MYOF: variants seen among roughly 807,000 people sequenced by gnomAD.
The protein encoded by MYOF is myoferlin.
A neutral mutation model predicts 284.2 loss-of-function variants in MYOF; 244 were observed. The ratio of observed to expected loss-of-function variants is 0.86; its 90% CI spans 0.77 to 0.95. MYOF has a LOEUF of 0.95. Among genes scored for constraint, MYOF ranks in the 40% least tolerant of loss-of-function variants. The pLI is 0.00. For missense variants in MYOF, 2,496 were observed against 2,560.6 expected, an observed-to-expected ratio of 0.97 and a Z score of 0.54; for synonymous variants, 904 against 919.7, an observed-to-expected ratio of 0.98 and a Z score of 0.31.
intron 7 of MYOF, among the ~76,000 whole-genome samples, chr10:93,406,288 T>TTATTTATATATA (rs1554855590): frequency 1.7e-5 from 1 of 58,128 alleles, no homozygotes; most frequent in Non-Finnish European, 4.3e-5. Flanking sequence ...TAAACCTCTT[T>TTATTTATATATA]TATATATATA....
chr10:93,351,102 A>C (rs1369417490), intron 35 of MYOF, 95 bp downstream of exon 35: 2 of 1,355,130 alleles, frequency 1.5e-6, no homozygotes, highest in African/African-American at 2.9e-5. Context: ...GATAGCAAGA[A>C]AATATGCAGC....
intron 3 of MYOF, among the ~76,000 whole-genome samples, chr10:93,441,183 C>T (rs2056236679): frequency 6.6e-6 from 1 of 152,148 alleles, no homozygotes; most frequent in South Asian, 2.1e-4. Context: ...CTCCCACTGT[C>T]ACATTTACAT....
At chr10:93,404,925 T>C (rs1847484058) in intron 7 of MYOF, among the ~76,000 whole-genome samples, 1 of 152,212 alleles carries the variant, frequency 6.6e-6, no homozygotes, top group Non-Finnish European at 1.5e-5. Flanking sequence ...ATATTAGGTA[T>C]ATAGGAGGTT....
intron 1 of MYOF, among the ~76,000 whole-genome samples, chr10:93,479,339 T>C (rs1309818282): frequency 2.0e-5 from 3 of 152,126 alleles, no homozygotes; most frequent in Non-Finnish European, 4.4e-5. Context: ...CACTATGAAG[T>C]GTGTCTGCCT....
chr10:93,324,730 G>A (rs1173589340), intron 46 of MYOF, among the ~76,000 whole-genome samples: 1 of 152,156 alleles, frequency 6.6e-6, no homozygotes, highest in Non-Finnish European at 1.5e-5. Flanking sequence ...CGTGTCCATA[G>A]TTTTGCTGTC....
chr10:93,349,782 G>A, intron 36 of MYOF, 26 bp downstream of exon 36: 1 of 1,612,522 alleles, frequency 6.2e-7, no homozygotes, highest in South Asian at 1.1e-5. Flanking sequence ...ACGCGCATGG[G>A]TGATCACAGA....
At chr10:93,435,061 A>G (rs1849058518) in intron 3 of MYOF, among the ~76,000 whole-genome samples, 1 of 152,242 alleles carries the variant, frequency 6.6e-6, no homozygotes, top group South Asian at 2.1e-4. Flanking sequence ...AAAGTCATCC[A>G]ACTGGTATTA....
Position 93,431,478 on chromosome 10 carries a change from G to C in MYOF, c.275C>G (p.Thr92Ser), listed in dbSNP as rs1427705486. Residue 92 changes from threonine to serine, a missense_variant, in exon 4 of 54, where the codon ACT becomes AGT. Thr to Ser is a moderately conservative substitution (Grantham distance 58). This residue lies in a region of MYOF where 2,436 missense variants were observed against 2,480.7 expected (regional missense o/e 0.98). Coordinates refer to ENST00000359263, the MANE Select transcript of MYOF (RefSeq NM_013451.4). ...CGGCAGGGATCTGCTCTGGTCACCA[G>C]TCAGGTCCTTCAGGGCTACAGTCGC... ...GTATVALKDLTGDQSRSLPYK... is the reference protein window; with the variant it reads ...GTATVALKDLSGDQSRSLPYK... 2.5e-6 allele frequency: 4 copies of C among 1,614,046 alleles called. No homozygotes were observed. The highest frequency in any genetic ancestry group is 3.4e-6 in the Non-Finnish European group (4 of 1,179,944).
chr10:93,332,198 T>C (rs1332228419), intron 43 of MYOF, among the ~76,000 whole-genome samples: 2 of 151,124 alleles, frequency 1.3e-5, no homozygotes, highest in Middle Eastern at 3.2e-3. Flanking sequence ...TGGGGTCAGA[T>C]GGTCTGAGTT....
In MYOF at chr10:93,379,956, G is replaced by A. The variant is rs750512330; in HGVS notation, c.1908C>T (p.His636=). 6.8e-6 allele frequency: 11 copies of A among 1,614,076 alleles called. No individual in the cohort carries two copies. In the South Asian group the frequency reaches 1.2e-4, roughly 18 times the overall value. The stretch of plus-strand genomic sequence containing the variant: ...AAGTCAGGGTAACAACTGGCTTGGT[G>A]TGGGCCCAAGGCAAGTAATAATAGT... ...GNYYYYLPWA[H]TKPVVTLTSY... Residue 636 remains histidine (H), a synonymous_variant, in exon 21 of 54, where the codon CAC becomes CAT. Transcript: ENST00000359263.
intron 36 of MYOF, among the ~76,000 whole-genome samples, chr10:93,349,070 A>C (rs1417461740): frequency 6.6e-6 from 1 of 152,202 alleles, no homozygotes; most frequent in Non-Finnish European, 1.5e-5. Context: ...GGGTGGGGAA[A>C]GGAAGGTTCT....
intron 37 of MYOF, among the ~76,000 whole-genome samples, chr10:93,345,161 A>G (rs928554096): frequency 4.6e-5 from 7 of 152,208 alleles, no homozygotes; most frequent in Non-Finnish European, 5.9e-5. Context: ...ACAGGACATA[A>G]AGGAGGAGAA....
chr10:93,342,047 C>T (rs934980842), intron 38 of MYOF: 125 of 1,011,752 alleles, frequency 1.2e-4, no homozygotes, highest in Middle Eastern at 1.2e-3. Flanking sequence ...CCAATTTTCC[C>T]CGAAGACTTA....
At chr10:93,478,567 A>C (rs2057316815) in intron 1 of MYOF, among the ~76,000 whole-genome samples, 1 of 152,002 alleles carries the variant, frequency 6.6e-6, no homozygotes, top group Admixed American at 6.6e-5. Flanking sequence ...CTGGGCGCTC[A>C]TACCTGTAAT....
At position 93,369,734 on chromosome 10, in the gene MYOF, A is replaced by C. The variant is rs767147149; in HGVS notation, c.2500T>G (p.Leu834Val). 6.2e-7 allele frequency: 1 copy of C among 1,614,094 alleles called. No individual in the cohort carries two copies. Among genetic ancestry groups the C allele is most frequent in the South Asian group, 1.1e-5 (1 of 91,080 alleles). ...AAGCCTAGCCAGATGTTCACTCGCA[A>C]CTCCACAGGCACCTTTGGCCCGTTG... ...KNNGPKVPVE[L>V]RVNIWLGLSA... Residue 834 changes from leucine (L) to valine (V), a missense_variant, in exon 25 of 54, where the codon TTG (leucine) becomes GTG (valine). By Grantham distance (32) the Leu-to-Val change is conservative. Transcript: ENST00000359263.
chr10:93,379,880 C>T lies in MYOF; in HGVS notation c.1984G>A (p.Ala662Thr), dbSNP rs746847097. The T allele has an allele frequency of 2.2e-5, 35 of 1,613,922 alleles. No homozygotes were observed. The Admixed American group carries it at 5.7e-4, about 26-fold the overall frequency. Reference sequence around the variant, plus strand: ...AAACTTACCAGCCGTTCTGCCATAGCTAGGAGAGTGTTCACCGCATCCAGG... The same window carrying T: ...AAACTTACCAGCCGTTCTGCCATAGTTAGGAGAGTGTTCACCGCATCCAGG... Reference protein sequence around the residue: ...HRLDAVNTLLAMAERLQTNIE... With the variant: ...HRLDAVNTLLTMAERLQTNIE... The change falls in exon 21 of 54, where the codon GCT becomes ACT. Residue 662 changes from alanine (A) to threonine (T), a missense_variant. By Grantham distance (58) the Ala-to-Thr change is moderately conservative (BLOSUM62 0). Transcript: ENST00000359263.
chr10:93,322,347 A>G (rs1386123430), intron 48 of MYOF, among the ~76,000 whole-genome samples: 1 of 152,210 alleles, frequency 6.6e-6, no homozygotes, highest in African/African-American at 2.4e-5. Flanking sequence ...TAACTGGATC[A>G]CCTGAATATC....
Position 93,426,063 on chromosome 10 carries a change from C to T in MYOF, c.433+8G>A, listed in dbSNP as rs568189057. On this transcript the variant is annotated splice_region_variant and intron_variant, in intron 5 of 53. Transcript: ENST00000359263. ...GGGGTGGCTGGGCCTTCAGAAGGGT[C>T]AGCTTACCTCCCATGCCTGGCACGC... 1 of 1,552,322 alleles carries T rather than the reference C, an allele frequency of 6.4e-7. No individual in the cohort carries two copies. Among genetic ancestry groups the T allele is most frequent in the African/African-American group, 1.4e-5 (1 of 73,304 alleles).
chr10:93,355,247 A>C (rs1338300130), intron 31 of MYOF, among the ~76,000 whole-genome samples: 1 of 152,236 alleles, frequency 6.6e-6, no homozygotes, highest in Non-Finnish European at 1.5e-5. Flanking sequence ...AGTGATTTGA[A>C]GAGTTTCCTT....
Sources: gnomAD v4.1 joint callset for allele counts (sites outside exome capture counted in the v4.1 genomes callset) on GRCh38, gnomAD v4.1.1 for gene constraint, gnomAD v4.1.1 regional missense constraint, MANE v1.5 for transcripts, NCBI Gene and HGNC (gene_info 2026-07-23, HGNC 2026-07-21) for gene names.